Variants in ARHGAP39 observed in about 807,000 individuals in gnomAD.
ARHGAP39 encodes Rho GTPase activating protein 39, also known as rho GTPase-activating protein 39.
Under a neutral mutation model 106.9 loss-of-function variants are expected in ARHGAP39, and 44 were observed. The ratio of observed to expected loss-of-function variants is 0.41; its 90% CI spans 0.32 to 0.53. The LOEUF (loss-of-function observed/expected upper bound fraction) is 0.53, where lower values mean the gene tolerates loss of function less well. Ranked by LOEUF, ARHGAP39 falls within the 20% of genes least tolerant of loss-of-function variation. The probability of loss-of-function intolerance (pLI) is 0.21; values close to 1 mark genes in which losing one functional copy is unlikely to be tolerated. For missense variants in ARHGAP39, 1,496 were observed against 1,577.3 expected (o/e 0.95, Z 0.87); for synonymous variants, 768 against 693.2 (o/e 1.11, Z -1.69).
At chr8:144,593,872 C>T (rs955576512) in intron 2 of ARHGAP39, among the ~76,000 whole-genome samples, 1 of 152,108 alleles carries the variant, frequency 6.6e-6, no homozygotes, top group Non-Finnish European at 1.5e-5. Context: ...GGTGGATCAC[C>T]TAAGTCAGGA....
In ARHGAP39 at chr8:144,685,756, G is replaced by A. The variant is rs1385108463; in HGVS notation, c.-152C>T. Reference sequence around the variant, plus strand: ...CCCGCGCGACGCGCGTGAGCCAGCCGCCGCTCCCCGGCCTCTCTGCTGCTC... The same window carrying A: ...CCCGCGCGACGCGCGTGAGCCAGCCACCGCTCCCCGGCCTCTCTGCTGCTC... On this transcript the variant is annotated 5_prime_UTR_variant, in exon 1 of 12. Transcript: ENST00000377307. Among the ~76,000 whole-genome samples the A allele has an allele frequency of 1.4e-5, 2 of 147,662 alleles. No individual in the cohort carries two copies. Among genetic ancestry groups the A allele is most frequent in the Non-Finnish European group, 3.0e-5 (2 of 66,284 alleles).
intron 1 of ARHGAP39, among the ~76,000 whole-genome samples, chr8:144,665,132 T>C (rs1204930617): frequency 1.3e-5 from 2 of 152,246 alleles, no homozygotes; most frequent in Admixed American, 6.5e-5. Context: ...TCTCTTGTTA[T>C]GTTTTAGCAA....
intron 1 of ARHGAP39, among the ~76,000 whole-genome samples, chr8:144,607,154 T>C (rs1464975672): frequency 6.8e-6 from 1 of 147,236 alleles, no homozygotes; most frequent in Non-Finnish European, 1.5e-5. Flanking sequence ...AGCGTGGCTA[T>C]GGTCCCAGCT....
At chr8:144,553,984 C>T (rs1002132110) in intron 4 of ARHGAP39, among the ~76,000 whole-genome samples, 1 of 152,270 alleles carries the variant, frequency 6.6e-6, no homozygotes, top group Non-Finnish European at 1.5e-5. Flanking sequence ...GCTGCTGGCC[C>T]TGTGTCGGGG....
chr8:144,534,078 G>A (rs1017182623), intron 8 of ARHGAP39, 51 bp downstream of exon 8: 1 of 1,596,020 alleles, frequency 6.3e-7, no homozygotes, highest in East Asian at 2.2e-5. Context: ...TGTCCACCAA[G>A]GGTCTCTGTG....
intron 1 of ARHGAP39, among the ~76,000 whole-genome samples, chr8:144,685,221 G>C (rs1822552424): frequency 6.7e-6 from 1 of 148,334 alleles, no homozygotes; most frequent in Non-Finnish European, 1.5e-5. Flanking sequence ...CCTCGGGCCG[G>C]GCACACTCAT....
chr8:144,609,378 T>C (rs1245238645), intron 1 of ARHGAP39, among the ~76,000 whole-genome samples: 7 of 151,898 alleles, frequency 4.6e-5, no homozygotes, highest in Non-Finnish European at 8.8e-5. Flanking sequence ...TAAATGCCAA[T>C]TGGTCACGAT....
chr8:144,537,320 C>T (rs1198397703), intron 7 of ARHGAP39, among the ~76,000 whole-genome samples: 2 of 151,690 alleles, frequency 1.3e-5, no homozygotes, highest in Admixed American at 6.6e-5. Flanking sequence ...CAGGGGCAGC[C>T]CTGGGCGGGA....
At chr8:144,674,914 G>A (rs1822192011) in intron 1 of ARHGAP39, among the ~76,000 whole-genome samples, 1 of 152,218 alleles carries the variant, frequency 6.6e-6, no homozygotes, top group South Asian at 2.1e-4. Flanking sequence ...GGGACCAGGA[G>A]CAGGGAGAGG....
At chr8:144,590,977 C>A (rs1819371248) in intron 2 of ARHGAP39, among the ~76,000 whole-genome samples, 1 of 152,218 alleles carries the variant, frequency 6.6e-6, no homozygotes, top group African/African-American at 2.4e-5. Flanking sequence ...AAAACTGGGA[C>A]CTGGTCATTA....
chr8:144,596,617 G>A (rs1307620461), intron 2 of ARHGAP39, among the ~76,000 whole-genome samples: 5 of 152,202 alleles, frequency 3.3e-5, no homozygotes, highest in African/African-American at 7.2e-5. Context: ...GCCCTGCAAC[G>A]GTGAGCACGT....
chr8:144,635,675 T>C (rs564904813), intron 1 of ARHGAP39, among the ~76,000 whole-genome samples: 2 of 152,180 alleles, frequency 1.3e-5, no homozygotes, highest in Non-Finnish European at 2.9e-5. Flanking sequence ...GCTGAGCGCT[T>C]ACCCGGTGGG....
intron 1 of ARHGAP39, among the ~76,000 whole-genome samples, chr8:144,609,391 A>G (rs1293456153): frequency 8.0e-6 from 1 of 125,338 alleles, no homozygotes; most frequent in African/African-American, 3.0e-5. Flanking sequence ...GTCACGATGT[A>G]TTGTCCTTTT....
chr8:144,619,916 CCG>C (rs1820748996), intron 1 of ARHGAP39, among the ~76,000 whole-genome samples: 1 of 131,818 alleles, frequency 7.6e-6, no homozygotes, highest in African/African-American at 2.9e-5. Flanking sequence ...GCGTGTGTGC[CCG>C]TGTGCGTGTG....
intron 1 of ARHGAP39, among the ~76,000 whole-genome samples, chr8:144,606,154 G>T (rs764826328): frequency 5.1e-4 from 78 of 152,252 alleles, no homozygotes; most frequent in Admixed American, 1.2e-3. Flanking sequence ...ACTGGGGAAG[G>T]ACACGGGGCC....
the ARHGAP39 span, among the ~76,000 whole-genome samples, chr8:144,693,288 C>T: frequency 3.3e-5 from 5 of 151,844 alleles, no homozygotes; most frequent in South Asian, 1.0e-3. Context: ...TGGTCTCGAA[C>T]TCCTGACCTT....
intron 1 of ARHGAP39, among the ~76,000 whole-genome samples, chr8:144,659,257 T>C (rs941644338): frequency 1.3e-5 from 2 of 152,178 alleles, no homozygotes; most frequent in Non-Finnish European, 2.9e-5. Context: ...CCAGAGCCAT[T>C]AGCCTACCAC....
At chr8:144,668,510 A>G (rs1822018790) in intron 1 of ARHGAP39, among the ~76,000 whole-genome samples, 1 of 152,212 alleles carries the variant, frequency 6.6e-6, no homozygotes, top group South Asian at 2.1e-4. Context: ...TAGAAGACTC[A>G]TTGGCAATGA....
intron 2 of ARHGAP39, among the ~76,000 whole-genome samples, chr8:144,602,966 C>A (rs1425345288): frequency 1.0e-5 from 1 of 96,110 alleles, no homozygotes; most frequent in Non-Finnish European, 1.9e-5. Flanking sequence ...TGGAGGCGTG[C>A]GTGCGAGCTC....
Sources: gnomAD v4.1 joint callset for allele counts (sites outside exome capture counted in the v4.1 genomes callset) on GRCh38, gnomAD v4.1.1 for gene constraint, MANE v1.5 for transcripts, NCBI Gene and HGNC (gene_info 2026-07-23, HGNC 2026-07-21) for gene names.